Variants in CHD1L observed in about 807,000 individuals in gnomAD.
CHD1L encodes ATP-dependent chromatin remodeler CHD1L.
Under a neutral mutation model 115.9 loss-of-function variants are expected in CHD1L, and 118 were observed. The observed-to-expected ratio is 1.02, with a 90% CI of 0.88 to 1.19. The LOEUF is 1.19. CHD1L is among the 50% of genes most tolerant of loss of function. CHD1L has a pLI of 0.00. For missense variants in CHD1L, 1,179 were observed against 1,065.3 expected, an observed-to-expected ratio of 1.11 and a Z score of -1.49; for synonymous variants, 411 against 387.1, an observed-to-expected ratio of 1.06 and a Z score of -0.72.
chr1:147,203,480 C>G, the CHD1L span: 1 of 839,890 alleles, frequency 1.2e-6, no homozygotes, highest in Non-Finnish European at 2.1e-6. Flanking sequence ...GCCTCAGTAT[C>G]TAATCCAACA....
Position 147,285,452 on chromosome 1 carries a change from G to A in CHD1L, c.1983G>A (p.Lys661=). The A allele has an allele frequency of 6.2e-7, 1 of 1,613,434 alleles. No homozygotes were observed. The stretch of plus-strand genomic sequence containing the variant: ...AGAGAAGGAGACTCATAGAGGAGAA[G>A]AAGAGGCAAAAGGAAGAGGCTGAAC... ...AAKRRRLIEE[K]KRQKEEAEHK... Residue 661 remains lysine (K), a synonymous_variant, in exon 17 of 23, where the codon AAG becomes AAA. Coordinates refer to ENST00000369258, the MANE Select transcript of CHD1L (RefSeq NM_004284.6).
the CHD1L span, chr1:147,209,954 C>G: frequency 6.6e-6 from 1 of 152,204 alleles, no homozygotes; most frequent in Non-Finnish European, 1.5e-5. Context: ...TCTGTCTCTT[C>G]AAATGTGTTT....
At chr1:147,237,203 G>C in the CHD1L span, among the ~76,000 whole-genome samples, 1 of 152,188 alleles carries the variant, frequency 6.6e-6, no homozygotes, top group East Asian at 1.9e-4. Flanking sequence ...TGGGTGCTGG[G>C]AGCAGAAAGA....
At chr1:147,283,851 C>A (rs1224371491) in intron 15 of CHD1L, among the ~76,000 whole-genome samples, 1 of 152,054 alleles carries the variant, frequency 6.6e-6, no homozygotes, top group Non-Finnish European at 1.5e-5. Context: ...ATTAGTTATA[C>A]CAGGATTGTG....
At chr1:147,192,689 G>A in the CHD1L span, among the ~76,000 whole-genome samples, 43 of 152,152 alleles carry the variant, frequency 2.8e-4, no homozygotes, top group East Asian at 2.7e-3. Flanking sequence ...ACATCCCATC[G>A]ATACCTAATT....
chr1:147,258,515 TTG>T (rs1317050744), intron 5 of CHD1L, among the ~76,000 whole-genome samples: 1 of 152,186 alleles, frequency 6.6e-6, no homozygotes, highest in East Asian at 1.9e-4. Flanking sequence ...AACTGGACCT[TTG>T]TTTCTTGTCA....
chr1:147,191,792 G>C, the CHD1L span, among the ~76,000 whole-genome samples: 597 of 152,028 alleles, frequency 3.9e-3, 15 homozygotes, highest in Admixed American at 0.033. Context: ...TCTTGTTTTT[G>C]TCAGGTTTGT....
rs1553957823 is a variant in CHD1L at position 147,276,222 on chromosome 1, G to A, written c.1504G>A (p.Gly502Arg). The A allele has an allele frequency of 6.2e-7, 1 of 1,614,090 alleles. No individual in the cohort carries two copies. Among genetic ancestry groups the A allele is most frequent in the South Asian group, 1.1e-5 (1 of 91,068 alleles). ...MIIEGGHFTL[G>R]AQKPAADADL... Reference sequence around the variant, plus strand: ...CATAGAAGGAGGCCATTTTACTCTGGGAGCCCAGAAACCCGCTGCCGATGC... The same window carrying A: ...CATAGAAGGAGGCCATTTTACTCTGAGAGCCCAGAAACCCGCTGCCGATGC... The change falls in exon 14 of 23, where the codon GGA becomes AGA. Residue 502 changes from glycine to arginine, a missense_variant. Coordinates refer to ENST00000369258, the MANE Select transcript of CHD1L (RefSeq NM_004284.6).
At chr1:147,235,264 A>G in the CHD1L span, among the ~76,000 whole-genome samples, 3 of 152,176 alleles carry the variant, frequency 2.0e-5, no homozygotes, top group African/African-American at 7.2e-5. Context: ...CAATTTCTTA[A>G]TTCTCCACTG....
At chr1:147,292,938 A>G (rs1337068655) in intron 20 of CHD1L, among the ~76,000 whole-genome samples, 1 of 152,198 alleles carries the variant, frequency 6.6e-6, no homozygotes, top group Non-Finnish European at 1.5e-5. Flanking sequence ...ACAGTGACTA[A>G]CAGCAAAGTG....
At chr1:147,196,018 G>A in the CHD1L span, among the ~76,000 whole-genome samples, 1 of 152,142 alleles carries the variant, frequency 6.6e-6, no homozygotes, top group Non-Finnish European at 1.5e-5. Context: ...GAGCCACAGA[G>A]TTTAATGTTA....
chr1:147,264,322 A>T, intron 6 of CHD1L, 100 bp from the exon 7 acceptor site: 1 of 1,098,420 alleles, frequency 9.1e-7, no homozygotes, highest in Non-Finnish European at 1.3e-6. Context: ...TCATTTCATT[A>T]AATCATGCCT....
chr1:147,236,822 C>T, the CHD1L span, among the ~76,000 whole-genome samples: 19 of 152,270 alleles, frequency 1.2e-4, no homozygotes, highest in South Asian at 2.1e-4. Context: ...AGGAAGTGTG[C>T]GCCAACTGGT....
intron 19 of CHD1L, among the ~76,000 whole-genome samples, chr1:147,289,889 G>A (rs10793657): frequency 2.6e-5 from 4 of 152,034 alleles, no homozygotes; most frequent in Admixed American, 6.6e-5. Flanking sequence ...CATAGAAGAC[G>A]TCACATGATT....
upstream of CHD1L, among the ~76,000 whole-genome samples, chr1:147,239,888 A>G (rs1157064090): frequency 6.6e-6 from 1 of 152,182 alleles, no homozygotes; most frequent in Non-Finnish European, 1.5e-5. Flanking sequence ...TCTAGAGGAG[A>G]GGAAATAAGT....
chr1:147,240,651 T>C (rs1553930540), upstream of CHD1L, among the ~76,000 whole-genome samples: 1 of 152,148 alleles, frequency 6.6e-6, no homozygotes, highest in Non-Finnish European at 1.5e-5. Context: ...GTATATTCCA[T>C]TGACTGAGAT....
At chr1:147,176,068 C>T in the CHD1L span, 3 of 151,654 alleles carry the variant, frequency 2.0e-5, no homozygotes, top group East Asian at 3.9e-4. Flanking sequence ...CCAAACTGTA[C>T]AATAAAAAGT....
chr1:147,291,119 A>G (rs1572207711), intron 19 of CHD1L, among the ~76,000 whole-genome samples: 1 of 152,222 alleles, frequency 6.6e-6, no homozygotes, highest in Non-Finnish European at 1.5e-5. Context: ...GAGATAAAGT[A>G]GAATGTAATA....
Position 147,294,440 on chromosome 1 carries a change from C to T in CHD1L, c.2538C>T (p.Ala846=), listed in dbSNP as rs45563244. The T allele has an allele frequency of 6.2e-6, 10 of 1,611,754 alleles. No individual in the cohort carries two copies. Among genetic ancestry groups the T allele is most frequent in the Non-Finnish European group, 5.9e-6 (7 of 1,178,974 alleles). The change falls in exon 22 of 23, where the codon GCC becomes GCT. Residue 846 remains alanine, a synonymous_variant. Transcript: ENST00000369258. ...TTCATCTTCCACGTATTGGACATGC[C>T]ACGAAAGGTTTTAACTGGTATGGTA... ...ASVHLPRIGH[A]TKGFNWYGTE...
Sources: allele counts gnomAD v4.1 joint callset (sites outside exome capture counted in the v4.1 genomes callset), GRCh38; gene constraint gnomAD v4.1.1; transcripts MANE v1.5; gene names NCBI Gene and HGNC (gene_info 2026-07-23, HGNC 2026-07-21).